The following ELP2 variants were observed in gnomAD, a reference collection of about 807,000 sequenced individuals.
ELP2 encodes elongator acetyltransferase complex subunit 2.
Under a neutral mutation model 119.2 loss-of-function variants are expected in ELP2, and 90 were observed. That is an observed-to-expected ratio of 0.75 (90% CI 0.64 to 0.90). ELP2 has a LOEUF of 0.90. Among genes scored for constraint, ELP2 ranks in the 40% least tolerant of loss-of-function variants. The pLI, the probability that ELP2 is intolerant of heterozygous loss-of-function variation, is 0.00. For synonymous variants in ELP2, 339 were observed against 331.0 expected, an observed-to-expected ratio of 1.02 and a Z score of -0.26; for missense variants, 921 against 967.8, an observed-to-expected ratio of 0.95 and a Z score of 0.64.
intron 13 of ELP2, 148 bp from the exon 14 acceptor site, chr18:36,158,687 C>G (rs1033202924): frequency 1.6e-6 from 1 of 608,182 alleles, no homozygotes; most frequent in Non-Finnish European, 2.9e-6. Flanking sequence ...TACGGGTAGA[C>G]ATCCACACAA....
chr18:36,174,408 T>A (rs775978493), intron 21 of ELP2, 77 bp from the exon 22 acceptor site: 4 of 1,408,580 alleles, frequency 2.8e-6, no homozygotes, highest in Non-Finnish European at 3.9e-6. Context: ...ACATTTCAAT[T>A]TTCAGGTTTT....
rs1176361811 is a variant in ELP2, at chr18:36,175,359, C to T, written c.*718C>T. ...AACATTTTCTATAGATAGCATACCA[C>T]GCCAAGTGTGCTCTGTCTTGATCCC... On this transcript the variant is annotated 3_prime_UTR_variant, in exon 22 of 22. Coordinates refer to ENST00000358232, the MANE Select transcript of ELP2 (RefSeq NM_018255.4). 4 of 152,346 alleles carry T rather than the reference C, an allele frequency of 2.6e-5. No individual in the cohort carries two copies. The highest frequency in any genetic ancestry group is 3.9e-4 in the East Asian group (2 of 5,184). 9.4% of individuals were successfully genotyped at this position (152,346 alleles called of 1,614,324 possible).
rs2091274705 is a variant in ELP2, at chr18:36,178,703, T to A, written c.*4062T>A. 6.7e-6 allele frequency: 1 copy of A among 149,918 alleles called. No individual in the cohort carries two copies. The highest frequency in any genetic ancestry group is 6.6e-5 in the Admixed American group (1 of 15,050). The allele number at this position is 149,918 out of a possible 1,614,324, so 9.3% of individuals were successfully genotyped here. On this transcript the variant is annotated 3_prime_UTR_variant, in exon 22 of 22. Transcript: ENST00000358232. ...TCTTGAACTCCTGGGCTCAAGCAGT[T>A]CTCCCACCTCAGCCTTGGTTTAAGA...
At chr18:36,151,272 G>A (rs904804939) in intron 11 of ELP2, among the ~76,000 whole-genome samples, 5 of 151,574 alleles carry the variant, frequency 3.3e-5, no homozygotes, top group Non-Finnish European at 5.9e-5. Flanking sequence ...TTGTAGAGAC[G>A]GGGTTTCACC....
At chr18:36,163,210 C>T (rs542900063) in intron 17 of ELP2, among the ~76,000 whole-genome samples, 1 of 151,574 alleles carries the variant, frequency 6.6e-6, no homozygotes, top group African/African-American at 2.4e-5. Context: ...GCTTCTAATT[C>T]AATCCATTTT....
At chr18:36,143,421 CT>C (rs67196641) in intron 8 of ELP2, among the ~76,000 whole-genome samples, 43,541 of 97,928 alleles carry the variant, frequency 0.44, 8,526 homozygotes, top group East Asian at 0.72. Context: ...CGTGCCTGGC[CT>C]TTTTTTTTTT....
intron 5 of ELP2, among the ~76,000 whole-genome samples, chr18:36,140,239 C>T (rs756393221): frequency 7.2e-5 from 11 of 152,226 alleles, no homozygotes; most frequent in Non-Finnish European, 1.3e-4. Context: ...CATCACAGCT[C>T]ACCTCAGCCT....
chr18:36,160,969 A>G lies in ELP2; in HGVS notation c.1726A>G (p.Asn576Asp). Residue 576 changes from asparagine (N) to aspartate (D), a missense_variant, in exon 17 of 22, where the codon AAC becomes GAC. Physicochemically the swap from Asn to Asp is conservative, Grantham distance 23. Transcript: ENST00000358232. ...HGYEIFCVTC[N>D]SSKTLLASAC... ...TTATGAAATATTTTGTGTTACTTGT[A>G]ACAGTTCAAAGACTCTGCTTGCCTC... 3 of 1,613,766 alleles carry G rather than the reference A, an allele frequency of 1.9e-6. No homozygotes were observed. The highest frequency in any genetic ancestry group is 1.7e-6 in the Non-Finnish European group (2 of 1,179,754).
rs144852147 is a variant in ELP2, at chr18:36,151,516, C to T, written c.1126-3334C>T. Among the ~76,000 whole-genome samples, 123 of 152,158 alleles carry T rather than the reference C, an allele frequency of 8.1e-4. 2 individuals are homozygous for T. The highest frequency in any genetic ancestry group is 2.7e-3 in the African/African-American group (114 of 41,522). On this transcript the variant is annotated intron_variant, in intron 11 of 21. Coordinates refer to ENST00000358232, the MANE Select transcript of ELP2 (RefSeq NM_018255.4). ...CTTTGATAGTGTTGTATTACTACTT[C>T]GTTTTAGGCCAGGCATGGCGTCTCA...
In ELP2 at chr18:36,159,991, C is replaced by T; in HGVS notation, c.1664C>T (p.Thr555Ile). The change falls in exon 16 of 22, where the codon ACT becomes ATT. Residue 555 changes from threonine (T) to isoleucine (I), a missense_variant. Coordinates refer to ENST00000358232, the MANE Select transcript of ELP2 (RefSeq NM_018255.4). ...PPTEDHLLQN[T>I]LWPEVQKLYG... is the part of the protein sequence containing the mutation. The stretch of plus-strand genomic sequence containing the variant: ...ACTGAGGATCATCTTCTGCAGAATA[C>T]TTTGTGGCCTGAAGTTCAAAAACTG... 1.2e-6 allele frequency: 2 copies of T among 1,614,068 alleles called. No homozygotes were observed. The highest frequency in any genetic ancestry group is 1.7e-6 in the Non-Finnish European group (2 of 1,180,012).
intron 11 of ELP2, among the ~76,000 whole-genome samples, chr18:36,152,607 G>A (rs1211844966): frequency 6.6e-6 from 1 of 152,196 alleles, no homozygotes; most frequent in Non-Finnish European, 1.5e-5. Flanking sequence ...ATTTATAGAT[G>A]ATGTTAGGCA....
chr18:36,140,986 A>G, intron 5 of ELP2, 151 bp from the exon 6 acceptor site: 1 of 721,662 alleles, frequency 1.4e-6, no homozygotes, highest in East Asian at 2.6e-5. Context: ...ATTCCTGCAG[A>G]CATTTATTGA....
intron 17 of ELP2, among the ~76,000 whole-genome samples, chr18:36,161,322 G>A (rs539291060): frequency 3.2e-4 from 48 of 152,222 alleles, no homozygotes; most frequent in Admixed American, 1.3e-3. Flanking sequence ...GAACCCCAGA[G>A]GTGGAAGTTG....
chr18:36,138,644 C>T, intron 4 of ELP2, 151 bp from the exon 5 acceptor site: 1 of 865,066 alleles, frequency 1.2e-6, no homozygotes, highest in African/African-American at 1.7e-5. Context: ...TAAAATTTGG[C>T]CATTTAACTT....
chr18:36,177,021 G>A lies in ELP2; in HGVS notation c.*2380G>A, dbSNP rs1289722675. On this transcript the variant is annotated 3_prime_UTR_variant, in exon 22 of 22. Coordinates refer to ENST00000358232, the MANE Select transcript of ELP2 (RefSeq NM_018255.4). Reference sequence around the variant, plus strand: ...TTGAGGCTATATTACTCATTGCTACGGCAGTTCAAAATGACTTGGAAAAAA... The same window carrying A: ...TTGAGGCTATATTACTCATTGCTACAGCAGTTCAAAATGACTTGGAAAAAA... 1 of 152,064 alleles carries A rather than the reference G, an allele frequency of 6.6e-6. No homozygotes were observed. The highest frequency in any genetic ancestry group is 1.5e-5 in the Non-Finnish European group (1 of 68,028). The allele number at this position is 152,064 out of a possible 1,614,324, so 9.4% of individuals were successfully genotyped here. A position where few individuals can be genotyped will look rare whatever the true frequency, so the allele number is the denominator to read the frequency against.
rs1159530353 is a variant in ELP2 at position 36,175,872 on chromosome 18, G to C, written c.*1231G>C. ...TAATAAATGTGTTGAAAGGAGGAAGGTGAGGATTTTCTTGGTGGGAGTTTA... is the reference window on the plus strand; with the variant it reads ...TAATAAATGTGTTGAAAGGAGGAAGCTGAGGATTTTCTTGGTGGGAGTTTA... On this transcript the variant is annotated 3_prime_UTR_variant, in exon 22 of 22. Coordinates refer to ENST00000358232, the MANE Select transcript of ELP2 (RefSeq NM_018255.4). 2.6e-5 allele frequency: 4 copies of C among 152,156 alleles called. No homozygotes were observed. The highest frequency in any genetic ancestry group is 5.9e-5 in the Non-Finnish European group (4 of 68,026). 9.4% of individuals were successfully genotyped at this position (152,156 alleles called of 1,614,324 possible).
rs761548952 is a variant in ELP2, at chr18:36,179,970, A to G, written c.*5329A>G. The G allele has an allele frequency of 7.2e-5, 11 of 151,958 alleles. No individual in the cohort carries two copies. Among genetic ancestry groups the G allele is most frequent in the Non-Finnish European group, 1.2e-4 (8 of 68,002 alleles). The allele number at this position is 151,958 out of a possible 1,614,324, so 9.4% of individuals were successfully genotyped here. ...AGTGTATGAGTCTGGCTTCCATTCA[A>G]CTGTGTGTGAAAAAAAATTGTAAAA... On this transcript the variant is annotated 3_prime_UTR_variant, in exon 22 of 22. Transcript: ENST00000358232.
chr18:36,129,905 C>T lies in ELP2; in HGVS notation c.-29C>T, dbSNP rs770755951. On this transcript the variant is annotated 5_prime_UTR_variant, in exon 1 of 22. Transcript: ENST00000358232. ...GCTCCGAGGGCGGAAGTGCGCGTCT[C>T]TTGTTTGTGCGGCTGACCAGTTGGC... 5.6e-6 allele frequency: 9 copies of T among 1,614,046 alleles called. No individual in the cohort carries two copies. Among genetic ancestry groups the T allele is most frequent in the African/African-American group, 4.0e-5 (3 of 74,922 alleles).
At chr18:36,133,099 A>G in intron 1 of ELP2, 139 bp from the exon 2 acceptor site, 1 of 676,384 alleles carries the variant, frequency 1.5e-6, no homozygotes, top group East Asian at 2.8e-5. Flanking sequence ...AAAAGTTTAT[A>G]GATTGAAGAA....
Sources: allele counts gnomAD v4.1 joint callset (sites outside exome capture counted in the v4.1 genomes callset), GRCh38; gene constraint gnomAD v4.1.1; transcripts MANE v1.5; gene names NCBI Gene and HGNC (gene_info 2026-07-23, HGNC 2026-07-21).